Variants in DOCK3 observed in about 807,000 individuals in gnomAD.
DOCK3 encodes dedicator of cytokinesis 3, also known as dedicator of cytokinesis protein 3.
A neutral mutation model predicts 265.6 loss-of-function variants in DOCK3; 60 were observed. The observed-to-expected ratio is 0.23, with a 90% CI of 0.18 to 0.28. DOCK3 has a LOEUF of 0.28. Among genes scored for constraint, DOCK3 ranks in the 10% least tolerant of loss-of-function variants. The pLI is 1.00. For missense variants in DOCK3, 1,981 were observed against 2,594.3 expected (o/e 0.76, Z 5.14); for synonymous variants, 881 against 938.0 (o/e 0.94, Z 1.11).
At chr3:51,025,694 T>C (rs1469113461) in intron 5 of DOCK3, among the ~76,000 whole-genome samples, 2 of 152,186 alleles carry the variant, frequency 1.3e-5, no homozygotes, top group Admixed American at 1.3e-4. Flanking sequence ...GAATTCTCCC[T>C]CGTTGACCGA....
intron 9 of DOCK3, 58 bp downstream of exon 9, chr3:51,090,442 C>T (rs2082596379): frequency 6.7e-7 from 1 of 1,483,472 alleles, no homozygotes; most frequent in South Asian, 1.3e-5. Flanking sequence ...GGGTCATAGG[C>T]ATCTCTGGCC....
intron 9 of DOCK3, among the ~76,000 whole-genome samples, chr3:51,144,378 A>G (rs1259992051): frequency 6.6e-6 from 1 of 152,184 alleles, no homozygotes; most frequent in Non-Finnish European, 1.5e-5. Context: ...TCCTTGTTAC[A>G]TGTGACTCTC....
At chr3:50,820,268 A>G (rs1388368756) in intron 2 of DOCK3, among the ~76,000 whole-genome samples, 1 of 152,164 alleles carries the variant, frequency 6.6e-6, no homozygotes, top group Non-Finnish European at 1.5e-5. Context: ...AAGAACCCAC[A>G]TGGCCTCCCA....
rs142582757 is a variant in DOCK3, at chr3:50,806,853, C to G, written c.121+28095C>G. ...GGCTCACAAGGGGTGGGTTAGCACA[C>G]GTTGTGTTCCCAACCTGGAGCAGTG... On this transcript the variant is annotated intron_variant, in intron 2 of 52. Coordinates refer to ENST00000266037, the MANE Select transcript of DOCK3 (RefSeq NM_004947.5). 2.9e-3 allele frequency among the ~76,000 whole-genome samples: 443 copies of G among 152,154 alleles called. 1 individual carries two copies. Among genetic ancestry groups the G allele is most frequent in the Non-Finnish European group, 5.3e-3 (360 of 67,994 alleles).
At chr3:50,824,595 G>A (rs969525969) in intron 2 of DOCK3, among the ~76,000 whole-genome samples, 1 of 152,098 alleles carries the variant, frequency 6.6e-6, no homozygotes, top group African/African-American at 2.4e-5. Flanking sequence ...AGTCTTGCCT[G>A]TTCACTGCCA....
chr3:50,682,167 C>G (rs1031998350), intron 1 of DOCK3, among the ~76,000 whole-genome samples: 3 of 152,214 alleles, frequency 2.0e-5, no homozygotes, highest in Non-Finnish European at 4.4e-5. Context: ...GTTGGAACAG[C>G]TAGCATTCAT....
At chr3:51,267,804 T>C (rs1576600509) in intron 23 of DOCK3, among the ~76,000 whole-genome samples, 1 of 152,178 alleles carries the variant, frequency 6.6e-6, no homozygotes, top group South Asian at 2.1e-4. Flanking sequence ...TGGAATACTA[T>C]GCAGCCATAA....
chr3:50,886,187 GATATATATAT>G (rs141280910), intron 3 of DOCK3, among the ~76,000 whole-genome samples: 2 of 132,750 alleles, frequency 1.5e-5, no homozygotes, highest in Non-Finnish European at 3.4e-5. Flanking sequence ...TTATTTTGGA[GATATATATAT>G]ATATATATAT....
intron 3 of DOCK3, among the ~76,000 whole-genome samples, chr3:50,853,359 G>T (rs1575360594): frequency 6.6e-6 from 1 of 151,798 alleles, no homozygotes; most frequent in Non-Finnish European, 1.5e-5. Flanking sequence ...TGTTACATGG[G>T]TATATTGTGT....
At chr3:51,108,565 A>T (rs1452243467) in intron 9 of DOCK3, among the ~76,000 whole-genome samples, 1 of 152,226 alleles carries the variant, frequency 6.6e-6, no homozygotes, top group Admixed American at 6.5e-5. Flanking sequence ...AATGGGCAAA[A>T]TGCCCCAATT....
chr3:51,159,412 GTC>G, intron 11 of DOCK3, 108 bp downstream of exon 11: 5 of 1,028,788 alleles, frequency 4.9e-6, no homozygotes, highest in South Asian at 1.5e-5. Context: ...GTAATTTCAG[GTC>G]TCAGGATTAG....
intron 27 of DOCK3, among the ~76,000 whole-genome samples, chr3:51,291,810 G>C (rs1012431037): frequency 6.6e-6 from 1 of 152,134 alleles, no homozygotes; most frequent in Non-Finnish European, 1.5e-5. Context: ...GGAAGCTATA[G>C]GTCAGTAACA....
At chr3:51,233,567 C>A (rs1260264482) in intron 19 of DOCK3, among the ~76,000 whole-genome samples, 1 of 151,962 alleles carries the variant, frequency 6.6e-6, no homozygotes, top group Non-Finnish European at 1.5e-5. Flanking sequence ...CAAGGTTTCA[C>A]CGTGTTAGTC....
chr3:50,710,467 C>T (rs536535638), intron 1 of DOCK3, among the ~76,000 whole-genome samples: 468 of 152,194 alleles, frequency 3.1e-3, no homozygotes, highest in Non-Finnish European at 5.2e-3. Context: ...GAGATACCAC[C>T]TTACTCCTGC....
At chr3:51,039,988 T>C (rs13061003) in intron 5 of DOCK3, among the ~76,000 whole-genome samples, 113,623 of 150,794 alleles carry the variant, frequency 0.75, 43,926 homozygotes, top group Middle Eastern at 0.88. Flanking sequence ...ATTAGCTCCA[T>C]AATTTTACTT....
chr3:50,683,545 A>T (rs539967506), intron 1 of DOCK3, among the ~76,000 whole-genome samples: 5 of 152,296 alleles, frequency 3.3e-5, no homozygotes, highest in Admixed American at 3.3e-4. Context: ...TGAACATTTT[A>T]TGATAGTGCC....
intron 5 of DOCK3, among the ~76,000 whole-genome samples, chr3:51,027,106 A>G (rs892135708): frequency 3.9e-5 from 6 of 152,070 alleles, no homozygotes; most frequent in African/African-American, 9.7e-5. Context: ...TATAAACTCC[A>G]TTTAGCACTG....
intron 5 of DOCK3, among the ~76,000 whole-genome samples, chr3:50,957,026 A>T (rs2076750202): frequency 6.6e-6 from 1 of 152,042 alleles, no homozygotes; most frequent in South Asian, 2.1e-4. Flanking sequence ...TGCCCTCCCA[A>T]AGTGCTGGGA....
intron 4 of DOCK3, among the ~76,000 whole-genome samples, chr3:50,915,427 G>A (rs1280264558): frequency 6.6e-6 from 1 of 152,064 alleles, no homozygotes; most frequent in Non-Finnish European, 1.5e-5. Context: ...CCTCCCCAGC[G>A]AGAGCAGTCT....
Sources: gnomAD v4.1 joint callset for allele counts (sites outside exome capture counted in the v4.1 genomes callset) on GRCh38, gnomAD v4.1.1 for gene constraint, MANE v1.5 for transcripts, NCBI Gene and HGNC (gene_info 2026-07-23, HGNC 2026-07-21) for gene names.